IFT80: variants seen among roughly 807,000 people sequenced by gnomAD.
IFT80 encodes intraflagellar transport 80.
Under a neutral mutation model 107.9 loss-of-function variants are expected in IFT80, and 79 were observed. The ratio of observed to expected loss-of-function variants is 0.73; its 90% CI spans 0.61 to 0.88. The LOEUF (loss-of-function observed/expected upper bound fraction) is 0.88. Among genes scored for constraint, IFT80 ranks in the 40% least tolerant of loss-of-function variants. IFT80 has a pLI of 0.00. For missense variants in IFT80, 797 were observed against 914.2 expected (o/e 0.87, Z 1.65); for synonymous variants, 299 against 300.9 (o/e 0.99, Z 0.07).
At chr3:160,349,760 C>T (rs994568423) in intron 8 of IFT80, among the ~76,000 whole-genome samples, 5 of 151,954 alleles carry the variant, frequency 3.3e-5, no homozygotes, top group African/African-American at 1.2e-4. Context: ...AAAGAGAAAA[C>T]ATTGTGTGAG....
At chr3:160,383,432 C>T in intron 2 of IFT80, 2 of 955,862 alleles carry the variant, frequency 2.1e-6, no homozygotes, top group Non-Finnish European at 2.5e-6. Context: ...AATGAAAACA[C>T]CTACCAATTT....
chr3:160,319,718 T>G, intron 9 of IFT80, 42 bp downstream of exon 9: 1 of 1,480,878 alleles, frequency 6.8e-7, no homozygotes, highest in Middle Eastern at 1.7e-4. Flanking sequence ...TTAACTAATA[T>G]GAAAAGAAGC....
intron 8 of IFT80, among the ~76,000 whole-genome samples, chr3:160,354,001 T>C (rs1392740207): frequency 2.0e-5 from 3 of 152,226 alleles, no homozygotes; most frequent in Non-Finnish European, 4.4e-5. Flanking sequence ...AATTGGCTTA[T>C]TAATAAATTG....
chr3:160,359,532 C>T (rs1721343606), intron 6 of IFT80, among the ~76,000 whole-genome samples: 1 of 152,148 alleles, frequency 6.6e-6, no homozygotes, highest in Admixed American at 6.5e-5. Flanking sequence ...ACTGCCTCCT[C>T]AAGTGGGTCC....
At chr3:160,329,203 A>G (rs935520908) in intron 8 of IFT80, among the ~76,000 whole-genome samples, 2 of 152,204 alleles carry the variant, frequency 1.3e-5, no homozygotes, top group African/African-American at 2.4e-5. Flanking sequence ...TAAACTGAAT[A>G]ATTTTTATTG....
chr3:160,355,887 G>C (rs2108359896), intron 8 of IFT80, 126 bp downstream of exon 8: 2 of 1,166,890 alleles, frequency 1.7e-6, no homozygotes, highest in East Asian at 4.7e-5. Context: ...ATATTAAGAA[G>C]ACAAATCAGA....
chr3:160,352,737 G>T, intron 8 of IFT80, among the ~76,000 whole-genome samples: 1 of 152,138 alleles, frequency 6.6e-6, no homozygotes, highest in East Asian at 1.9e-4. Context: ...ATCACATCAT[G>T]AAAGGGCATT....
chr3:160,262,336 A>G (rs954342623), intron 19 of IFT80, among the ~76,000 whole-genome samples: 2 of 152,168 alleles, frequency 1.3e-5, no homozygotes, highest in African/African-American at 4.8e-5. Context: ...AAAAAAATAT[A>G]TGGGAAGAAA....
At chr3:160,272,097 C>T (rs1024923927) in intron 18 of IFT80, among the ~76,000 whole-genome samples, 2 of 152,048 alleles carry the variant, frequency 1.3e-5, no homozygotes, top group Non-Finnish European at 2.9e-5. Flanking sequence ...TTCTATAGGT[C>T]CAGTTTCTTC....
At position 160,304,072 on chromosome 3, in the gene IFT80, TAA is replaced by T; in HGVS notation, c.1077-85_1077-84del. 19 of 914,710 alleles carry T rather than the reference TAA, an allele frequency of 2.1e-5. 1 individual carries two copies. The South Asian group carries it at 2.5e-4, about 12-fold the overall frequency. 56.7% of individuals were successfully genotyped at this position (914,710 alleles called of 1,614,324 possible). A position where few individuals can be genotyped will look rare whatever the true frequency, so the allele number is the denominator to read the frequency against. ...TAAGTAGATTGGTATTCATTTTAAA[TAA>T]AGTTACTTCAGTTTCATAGCAATTA... On this transcript the variant is annotated intron_variant, in intron 10 of 19. Coordinates refer to ENST00000326448, the MANE Select transcript of IFT80 (RefSeq NM_020800.3).
At chr3:160,272,834 T>G (rs758611189) in intron 18 of IFT80, among the ~76,000 whole-genome samples, 7 of 152,196 alleles carry the variant, frequency 4.6e-5, no homozygotes, top group Non-Finnish European at 1.5e-5. Context: ...AATTGTTAGA[T>G]AGCTTAACCA....
chr3:160,263,971 T>C (rs1006473486), intron 19 of IFT80, among the ~76,000 whole-genome samples: 2 of 151,894 alleles, frequency 1.3e-5, no homozygotes, highest in Non-Finnish European at 2.9e-5. Context: ...GCGTCCAGCC[T>C]ATTTATTTTT....
chr3:160,275,059 T>C lies in IFT80; in HGVS notation c.2099+2247A>G, dbSNP rs117112684. 9.3e-4 allele frequency among the ~76,000 whole-genome samples: 141 copies of C among 152,364 alleles called. No homozygotes were observed. The East Asian group carries it at 0.02, about 22-fold the overall frequency. ...GTGCTTATTTATATGTAAACCTCAA[T>C]TTCCTCATTTGTAAAATGGGGCTGG... On this transcript the variant is annotated intron_variant, in intron 18 of 19. Coordinates refer to ENST00000326448, the MANE Select transcript of IFT80 (RefSeq NM_020800.3).
chr3:160,391,339 T>C (rs542926695), intron 1 of IFT80, among the ~76,000 whole-genome samples: 5 of 152,160 alleles, frequency 3.3e-5, no homozygotes, highest in Non-Finnish European at 5.9e-5. Flanking sequence ...AATTTCACAG[T>C]GAGTTATCTA....
chr3:160,354,255 G>A (rs1720907608), intron 8 of IFT80, among the ~76,000 whole-genome samples: 1 of 152,020 alleles, frequency 6.6e-6, no homozygotes. Context: ...GAGAAAGGAG[G>A]GACCTAGCAG....
intron 8 of IFT80, among the ~76,000 whole-genome samples, chr3:160,320,985 T>G (rs989577968): frequency 6.6e-6 from 1 of 151,930 alleles, no homozygotes; most frequent in Non-Finnish European, 1.5e-5. Flanking sequence ...GACACTCTTT[T>G]ACAACTCTCC....
intron 8 of IFT80, among the ~76,000 whole-genome samples, chr3:160,331,545 T>C (rs1719088308): frequency 6.6e-6 from 1 of 152,232 alleles, no homozygotes; most frequent in Non-Finnish European, 1.5e-5. Context: ...AAGTCACTGT[T>C]CAAAATTTCC....
intron 12 of IFT80, among the ~76,000 whole-genome samples, chr3:160,296,336 T>C (rs947273570): frequency 6.6e-6 from 1 of 152,202 alleles, no homozygotes; most frequent in African/African-American, 2.4e-5. Flanking sequence ...CCCTCAGATT[T>C]ATCTCCAAAC....
At position 160,282,624 on chromosome 3, in the gene IFT80, T is replaced by A; in HGVS notation, c.1381-11A>T. The A allele has an allele frequency of 6.6e-7, 1 of 1,524,258 alleles. No individual in the cohort carries two copies. 94.4% of individuals were successfully genotyped at this position (1,524,258 alleles called of 1,614,324 possible). A position where few individuals can be genotyped will look rare whatever the true frequency, so the allele number is the denominator to read the frequency against. On this transcript the variant is annotated splice_polypyrimidine_tract_variant and intron_variant, in intron 13 of 19. Coordinates refer to ENST00000326448, the MANE Select transcript of IFT80 (RefSeq NM_020800.3). ...TTCCAAGATTTCATTCTAAAATTTTTTTTAAATGTAAATACTGGGTTAGTT... is the reference window on the plus strand; with the variant it reads ...TTCCAAGATTTCATTCTAAAATTTTATTTAAATGTAAATACTGGGTTAGTT...
Sources: gnomAD v4.1 joint callset for allele counts (sites outside exome capture counted in the v4.1 genomes callset) on GRCh38, gnomAD v4.1.1 for gene constraint, MANE v1.5 for transcripts, NCBI Gene and HGNC (gene_info 2026-07-23, HGNC 2026-07-21) for gene names.